SLC7A8: variants seen among roughly 807,000 people sequenced by gnomAD.
The protein encoded by SLC7A8 is large neutral amino acids transporter small subunit 2.
SLC7A8 carries 30 observed loss-of-function variants against 51.2 expected under a neutral mutation model. The observed-to-expected ratio is 0.59, with a 90% CI of 0.44 to 0.80. The LOEUF (loss-of-function observed/expected upper bound fraction) is 0.80. Among genes scored for constraint, SLC7A8 ranks in the 30% least tolerant of loss-of-function variants. The pLI, the probability that SLC7A8 is intolerant of heterozygous loss-of-function variation, is 0.00. For missense variants in SLC7A8, 612 were observed against 674.4 expected (o/e 0.91, Z 1.03); for synonymous variants, 257 against 275.8 (o/e 0.93, Z 0.67).
chr14:23,179,452 A>T (rs1024978146), intron 1 of SLC7A8, among the ~76,000 whole-genome samples: 6 of 151,894 alleles, frequency 4.0e-5, no homozygotes, highest in Admixed American at 2.6e-4. Context: ...CCTCTTAGTC[A>T]GTAAGGTATG....
chr14:23,181,290 CA>C (rs956595139), intron 1 of SLC7A8, among the ~76,000 whole-genome samples: 2 of 151,084 alleles, frequency 1.3e-5, no homozygotes, highest in East Asian at 3.9e-4. Flanking sequence ...AAAGGAGAGG[CA>C]AAAAAAATGT....
chr14:23,151,749 T>TA (rs60024939), intron 3 of SLC7A8, among the ~76,000 whole-genome samples: 2,220 of 100,818 alleles, frequency 0.022, 74 homozygotes, highest in African/African-American at 0.078. Context: ...CCCTGTCTCT[T>TA]AAAAAAAAAA....
chr14:23,155,549 G>T (rs909742762), intron 3 of SLC7A8: 3 of 1,226,252 alleles, frequency 2.4e-6, no homozygotes, highest in South Asian at 3.1e-5. Context: ...GCTAAACATG[G>T]CTCCTCAGCT....
At chr14:23,134,084 G>A (rs1216958602) in intron 7 of SLC7A8, among the ~76,000 whole-genome samples, 1 of 151,946 alleles carries the variant, frequency 6.6e-6, no homozygotes, top group Non-Finnish European at 1.5e-5. Context: ...GGGACTACAG[G>A]TGTGCACCAC....
intron 3 of SLC7A8, among the ~76,000 whole-genome samples, chr14:23,152,795 C>G (rs894749584): frequency 6.6e-6 from 1 of 152,166 alleles, no homozygotes; most frequent in Non-Finnish European, 1.5e-5. Flanking sequence ...CATTTTGTGC[C>G]TCCCTCAGGG....
intron 3 of SLC7A8, among the ~76,000 whole-genome samples, chr14:23,145,016 T>C (rs570364983): frequency 3.6e-4 from 54 of 150,644 alleles, no homozygotes; most frequent in African/African-American, 1.3e-3. Flanking sequence ...CACTGCAAGC[T>C]CTGCCTCCTG....
chr14:23,139,351 AG>A (rs764016565), intron 6 of SLC7A8, 72 bp downstream of exon 6: 2 of 1,606,218 alleles, frequency 1.2e-6, no homozygotes. Flanking sequence ...ATCAGGGAAA[AG>A]TGAGTGGGGC....
At chr14:23,155,960 T>C (rs953666930) in intron 3 of SLC7A8, among the ~76,000 whole-genome samples, 2 of 152,142 alleles carry the variant, frequency 1.3e-5, no homozygotes, top group Non-Finnish European at 2.9e-5. Context: ...ATTCCAAGGG[T>C]AGCTTGTACT....
rs1417432362 is a variant in SLC7A8, at chr14:23,140,603, G to A, written c.656C>T (p.Pro219Leu). 15 of 1,613,892 alleles carry A rather than the reference G, an allele frequency of 9.3e-6. No homozygotes were observed. The highest frequency in any genetic ancestry group is 1.2e-5 in the Non-Finnish European group (14 of 1,179,922). Residue 219 changes from proline (P) to leucine (L), a missense_variant, in exon 5 of 11, where the codon CCA becomes CTA. Pro to Leu is a moderately conservative substitution (Grantham distance 98). Transcript: ENST00000316902. ...ICKGEYFWLE[P>L]KNAFENFQEP... ...CTGGAAATTCTCAAATGCATTCTTT[G>A]GCTCCAGCCAGAAGTACTCTCCTGT...
At chr14:23,158,985 A>G (rs1282055047) in intron 3 of SLC7A8, among the ~76,000 whole-genome samples, 1 of 152,116 alleles carries the variant, frequency 6.6e-6, no homozygotes, top group Non-Finnish European at 1.5e-5. Context: ...GATAAAATCT[A>G]CTTACCTTTC....
chr14:23,180,383 T>C (rs934061455), intron 1 of SLC7A8, among the ~76,000 whole-genome samples: 4 of 152,226 alleles, frequency 2.6e-5, no homozygotes, highest in African/African-American at 7.2e-5. Context: ...TCAGCACATC[T>C]GTGACTCAAC....
rs79078776 is a variant in SLC7A8 at position 23,155,384 on chromosome 14, C to G, written c.508+9901G>C. ...CCCCTCCCCTCCTCCCTTCCTGGCT[C>G]TCTCTTCCCCTTCCTTCTTATCCTG... On this transcript the variant is annotated intron_variant, in intron 3 of 10. Transcript: ENST00000316902. 39 of 1,491,116 alleles carry G rather than the reference C, an allele frequency of 2.6e-5. No individual in the cohort carries two copies. In the African/African-American group the frequency reaches 4.0e-4, roughly 15 times the overall value. The allele number at this position is 1,491,116 out of a possible 1,614,324, so 92.4% of individuals were successfully genotyped here.
At chr14:23,154,584 A>G (rs2048875920) in intron 3 of SLC7A8, 1 of 645,282 alleles carries the variant, frequency 1.5e-6, no homozygotes. Flanking sequence ...TTCCAGATCT[A>G]GGAGGTAAGC....
chr14:23,145,400 G>T (rs898876506), intron 3 of SLC7A8, among the ~76,000 whole-genome samples: 2 of 151,250 alleles, frequency 1.3e-5, no homozygotes, highest in East Asian at 2.0e-4. Context: ...GTGGTGGCGC[G>T]CCTGTAATCC....
At chr14:23,139,366 A>T in intron 6 of SLC7A8, 58 bp downstream of exon 6, 3 of 1,610,568 alleles carry the variant, frequency 1.9e-6, no homozygotes, top group Non-Finnish European at 2.5e-6. Flanking sequence ...GTGGGGCTAC[A>T]GCAGGCAAGT....
intron 1 of SLC7A8, among the ~76,000 whole-genome samples, chr14:23,179,752 C>T (rs569148421): frequency 3.3e-5 from 5 of 151,938 alleles, no homozygotes; most frequent in Admixed American, 1.3e-4. Context: ...GAGGCTGCAG[C>T]GATGCAGTGA....
Position 23,131,474 on chromosome 14 carries a change from G to A in SLC7A8, c.1100C>T (p.Ala367Val). ...IHVKRCTPIP[A>V]LLFTCISTLL... Reference sequence around the variant, plus strand: ...AAGGGCCCTTACTGTGAAGAGCAGGGCTGGGATTGGGGTGCAGCGCTTCAC... The same window carrying A: ...AAGGGCCCTTACTGTGAAGAGCAGGACTGGGATTGGGGTGCAGCGCTTCAC... The change falls in exon 8 of 11, where the codon GCC becomes GTC. Residue 367 changes from alanine to valine, a missense_variant. Transcript: ENST00000316902. 4 of 1,605,172 alleles carry A rather than the reference G, an allele frequency of 2.5e-6. No homozygotes were observed. In the Middle Eastern group the frequency reaches 5.0e-4, roughly 200 times the overall value.
At chr14:23,181,513 T>A (rs1297978515) in intron 1 of SLC7A8, among the ~76,000 whole-genome samples, 1 of 151,958 alleles carries the variant, frequency 6.6e-6, no homozygotes, top group East Asian at 1.9e-4. Context: ...AAGTTCTGGG[T>A]GTAGAGGTGA....
rs1311582610 is a variant in SLC7A8 at position 23,165,358 on chromosome 14, G to A, written c.435C>T (p.Tyr145=). 5.0e-6 allele frequency: 8 copies of A among 1,604,022 alleles called. No individual in the cohort carries two copies. Among genetic ancestry groups the A allele is most frequent in the East Asian group, 4.5e-5 (2 of 44,150 alleles). The stretch of plus-strand genomic sequence containing the variant: ...AGGTGGGGAAGAGCGGCTGCAGCAC[G>A]TAGTTGGAGAAGGTGAGGGCGATGA... ...QAVIALTFSN[Y]VLQPLFPTCF... The change falls in exon 3 of 11, where the codon TAC becomes TAT. Residue 145 remains tyrosine, a synonymous_variant. Coordinates refer to ENST00000316902, the MANE Select transcript of SLC7A8 (RefSeq NM_012244.4). This position sits in a 1 kb window ranked among gnomAD's most constrained non-coding sequence, Gnocchi z 4.2.
Sources: allele counts gnomAD v4.1 joint callset (sites outside exome capture counted in the v4.1 genomes callset), GRCh38; gene constraint gnomAD v4.1.1; non-coding constraint Gnocchi (gnomAD v3.1); transcripts MANE v1.5; gene names NCBI Gene and HGNC (gene_info 2026-07-23, HGNC 2026-07-21).